Variants in NEK10 observed in about 807,000 individuals in gnomAD.
The protein encoded by NEK10 is NIMA related kinase 10, also known as serine/threonine-protein kinase Nek10.
In NEK10, 122 loss-of-function variants were observed where a neutral mutation model predicts 159.8. The ratio of observed to expected loss-of-function variants is 0.76; its 90% CI spans 0.66 to 0.89. The LOEUF (loss-of-function observed/expected upper bound fraction) is 0.89. NEK10 is among the 40% of genes least tolerant of loss of function. The pLI, the probability that NEK10 is intolerant of heterozygous loss-of-function variation, is 0.00. For missense variants in NEK10, 1,342 were observed against 1,323.1 expected (o/e 1.01, Z -0.22); for synonymous variants, 466 against 457.1 (o/e 1.02, Z -0.25).
intron 23 of NEK10, among the ~76,000 whole-genome samples, 190 bp from the exon 24 acceptor site, chr3:27,202,747 A>G (rs151124352): frequency 6.6e-6 from 1 of 152,340 alleles, no homozygotes; most frequent in African/African-American, 2.4e-5. Flanking sequence ...AAGCATATCA[A>G]TTCCAGCTTA....
Position 27,116,113 on chromosome 3 carries a change from T to G in NEK10, c.3205A>C (p.Ile1069Leu). The G allele has an allele frequency of 6.2e-7, 1 of 1,613,558 alleles. No individual in the cohort carries two copies. Among genetic ancestry groups the G allele is most frequent in the Non-Finnish European group, 8.5e-7 (1 of 1,179,696 alleles). The change falls in exon 34 of 36, where the codon ATT becomes CTT. Residue 1069 changes from isoleucine to leucine, a missense_variant. Transcript: ENST00000691995. ...PNDPTGLPTS[I>L]ELEEGITYEQ... ...TATGTTATTCCTTCCTCCAATTCAA[T>G]GCTGGTTGGTAAACCTAAAAAAGAT...
intron 23 of NEK10, among the ~76,000 whole-genome samples, chr3:27,250,489 G>T (rs1255443443): frequency 6.6e-6 from 1 of 151,996 alleles, no homozygotes; most frequent in African/African-American, 2.4e-5. Flanking sequence ...CCCAGCCTGT[G>T]TATTTACTAT....
At chr3:27,245,459 T>C (rs1289156728) in intron 23 of NEK10, among the ~76,000 whole-genome samples, 1 of 152,178 alleles carries the variant, frequency 6.6e-6, no homozygotes, top group Non-Finnish European at 1.5e-5. Flanking sequence ...TTTACTTTCT[T>C]GGAATGTTAC....
chr3:27,367,320 T>C (rs73055754), intron 1 of NEK10, among the ~76,000 whole-genome samples: 49,041 of 152,102 alleles, frequency 0.32, 9,923 homozygotes, highest in East Asian at 0.74. Flanking sequence ...CCCATGTATG[T>C]ATGACTCCAA....
intron 26 of NEK10, among the ~76,000 whole-genome samples, chr3:27,191,247 C>T (rs1240670395): frequency 1.3e-5 from 2 of 151,846 alleles, no homozygotes; most frequent in Non-Finnish European, 2.9e-5. Context: ...ACCAGGTACC[C>T]TAAGAAAGAG....
rs538280436 is a variant in NEK10 at position 27,246,308 on chromosome 3, T to G, written c.2090+9988A>C. 7.7e-3 allele frequency among the ~76,000 whole-genome samples: 1,174 copies of G among 152,296 alleles called. 4 individuals are homozygous for G. The highest frequency in any genetic ancestry group is 0.012 in the Non-Finnish European group (818 of 68,022). On this transcript the variant is annotated intron_variant, in intron 23 of 35. Transcript: ENST00000691995. ...GTCATGGGGGTTTGTTGCAGATTAT[T>G]TTGTCACCCACCAGTAAGCATAATA...
At chr3:27,115,351 A>C (rs1340165566) in intron 35 of NEK10, among the ~76,000 whole-genome samples, 1 of 152,232 alleles carries the variant, frequency 6.6e-6, no homozygotes, top group African/African-American at 2.4e-5. Context: ...AATTATAAAA[A>C]TTGATGCAAT....
At chr3:27,332,324 C>G (rs2046478118) in intron 5 of NEK10, among the ~76,000 whole-genome samples, 1 of 152,202 alleles carries the variant, frequency 6.6e-6, no homozygotes, top group African/African-American at 2.4e-5. Flanking sequence ...ATTCATATAA[C>G]ATGATCCAAT....
intron 23 of NEK10, among the ~76,000 whole-genome samples, chr3:27,217,039 T>A (rs1016800464): frequency 1.3e-5 from 2 of 152,196 alleles, no homozygotes; most frequent in African/African-American, 2.4e-5. Context: ...AAATTACTTA[T>A]GAGTGATAAA....
chr3:27,138,427 G>C (rs1415326198), intron 31 of NEK10, among the ~76,000 whole-genome samples: 1 of 152,116 alleles, frequency 6.6e-6, no homozygotes, highest in African/African-American at 2.4e-5. Flanking sequence ...TCAGGACTTC[G>C]ACCTAGTGTG....
At chr3:27,247,648 G>A (rs986813825) in intron 23 of NEK10, among the ~76,000 whole-genome samples, 2 of 151,882 alleles carry the variant, frequency 1.3e-5, no homozygotes, top group African/African-American at 4.8e-5. Flanking sequence ...CATTCCTCCC[G>A]CCTCAGCCTT....
At chr3:27,243,593 G>A (rs1355232337) in intron 23 of NEK10, among the ~76,000 whole-genome samples, 1 of 152,038 alleles carries the variant, frequency 6.6e-6, no homozygotes, top group Non-Finnish European at 1.5e-5. Context: ...CATAATGTCT[G>A]AATTCGAGGA....
chr3:27,277,841 C>G (rs538419489), intron 22 of NEK10, among the ~76,000 whole-genome samples: 138 of 152,304 alleles, frequency 9.1e-4, no homozygotes, highest in African/African-American at 3.2e-3. Context: ...TACTTTGGGA[C>G]AGAAGTTTTA....
chr3:27,365,196 A>C (rs1029076060), intron 1 of NEK10, among the ~76,000 whole-genome samples: 1 of 152,226 alleles, frequency 6.6e-6, no homozygotes, highest in South Asian at 2.1e-4. Flanking sequence ...TGCAAAATAT[A>C]CTAACTACTG....
chr3:27,311,038 C>T (rs2044654346), intron 8 of NEK10, 22 bp from the exon 9 acceptor site: 2 of 1,511,544 alleles, frequency 1.3e-6, no homozygotes, highest in Non-Finnish European at 1.8e-6. Flanking sequence ...AGAAAGAGCG[C>T]AAAGAGGCAT....
At chr3:27,301,336 T>G (rs1026880444) in intron 13 of NEK10, among the ~76,000 whole-genome samples, 1 of 152,150 alleles carries the variant, frequency 6.6e-6, no homozygotes, top group Non-Finnish European at 1.5e-5. Flanking sequence ...GATTCCCCCT[T>G]ATGTAGGGTG....
chr3:27,314,248 CA>C (rs1439183770), intron 7 of NEK10, 48 bp downstream of exon 7: 1 of 1,373,350 alleles, frequency 7.3e-7, no homozygotes. Flanking sequence ...TTGCTCATAG[CA>C]GGCACAAAAT....
At chr3:27,280,496 A>G (rs776392605) in intron 22 of NEK10, among the ~76,000 whole-genome samples, 3 of 152,222 alleles carry the variant, frequency 2.0e-5, no homozygotes, top group Non-Finnish European at 4.4e-5. Flanking sequence ...CAAGCACGGT[A>G]GAATTCGACG....
chr3:27,348,616 G>T lies in NEK10; in HGVS notation c.133-2400C>A, dbSNP rs531712395. ...TGCAGCCTGTTACTCCTGATCTTGG[G>T]TCAGGGTGTGACTTAACCTCCTGAC... On this transcript the variant is annotated intron_variant, in intron 3 of 35. Transcript: ENST00000691995. Among the ~76,000 whole-genome samples, 6 of 152,186 alleles carry T rather than the reference G, an allele frequency of 3.9e-5. No homozygotes were observed. The East Asian group carries it at 1.2e-3, about 29-fold the overall frequency.
Sources: gnomAD v4.1 joint callset for allele counts (sites outside exome capture counted in the v4.1 genomes callset) on GRCh38, gnomAD v4.1.1 for gene constraint, MANE v1.5 for transcripts, NCBI Gene and HGNC (gene_info 2026-07-23, HGNC 2026-07-21) for gene names.